Variants in ADCY5 observed in about 807,000 individuals in gnomAD.
ADCY5 encodes adenylate cyclase 5.
In ADCY5, 30 loss-of-function variants were observed where a neutral mutation model predicts 119.7. The observed-to-expected ratio is 0.25, with a 90% CI of 0.19 to 0.34. The LOEUF is 0.34. Among genes scored for constraint, ADCY5 ranks in the 10% least tolerant of loss-of-function variants. The pLI, the probability that ADCY5 is intolerant of heterozygous loss-of-function variation, is 1.00. For missense variants in ADCY5, 1,324 were observed against 1,775.2 expected, an observed-to-expected ratio of 0.75 and a Z score of 4.57; for synonymous variants, 753 against 762.2, an observed-to-expected ratio of 0.99 and a Z score of 0.20.
intron 3 of ADCY5, among the ~76,000 whole-genome samples, chr3:123,333,694 C>T (rs1941890231): frequency 6.6e-6 from 1 of 152,238 alleles, no homozygotes; most frequent in Admixed American, 6.5e-5. Flanking sequence ...CTCAGGCCTG[C>T]CCGTTTGACC....
At chr3:123,386,845 T>C (rs1944241495) in intron 1 of ADCY5, among the ~76,000 whole-genome samples, 1 of 152,164 alleles carries the variant, frequency 6.6e-6, no homozygotes, top group South Asian at 2.1e-4. Context: ...CTTCTCATCA[T>C]AATGCAAATG....
chr3:123,288,093 C>T (rs1385563519), intron 19 of ADCY5, among the ~76,000 whole-genome samples: 3 of 152,228 alleles, frequency 2.0e-5, no homozygotes, highest in Non-Finnish European at 4.4e-5. Flanking sequence ...TGGCTGTGCT[C>T]GGGGCCTCCA....
chr3:123,427,885 G>T (rs934984192), intron 1 of ADCY5, among the ~76,000 whole-genome samples: 1 of 152,228 alleles, frequency 6.6e-6, no homozygotes, highest in Admixed American at 6.5e-5. Context: ...ACACATGGTA[G>T]ATATTTGTTA....
intron 1 of ADCY5, among the ~76,000 whole-genome samples, chr3:123,395,766 C>T (rs1478046859): frequency 1.3e-5 from 2 of 151,394 alleles, no homozygotes; most frequent in Non-Finnish European, 2.9e-5. Context: ...GCCTGTAGTC[C>T]CAGCTACTTG....
At chr3:123,418,075 G>C (rs576373076) in intron 1 of ADCY5, among the ~76,000 whole-genome samples, 32 of 152,314 alleles carry the variant, frequency 2.1e-4, no homozygotes, top group South Asian at 2.1e-3. Context: ...CTAAGTTACA[G>C]AGCACTCAGA....
intron 1 of ADCY5, among the ~76,000 whole-genome samples, chr3:123,384,331 CTT>C (rs1944141687): frequency 6.6e-6 from 1 of 152,238 alleles, no homozygotes; most frequent in Non-Finnish European, 1.5e-5. Flanking sequence ...GAGGGTGAAT[CTT>C]CCAACCCAGG....
At position 123,422,383 on chromosome 3, in the gene ADCY5, G is replaced by A. The variant is rs75223332; in HGVS notation, c.1134+25029C>T. 0.014 allele frequency among the ~76,000 whole-genome samples: 2,065 copies of A among 152,298 alleles called. 84 individuals carry two copies. The East Asian group carries it at 0.18, about 13-fold the overall frequency. On this transcript the variant is annotated intron_variant, in intron 1 of 20. Transcript: ENST00000462833. ...CATGGGCAGGGTGGTAGGTTAGGGTGTTTTATACAGATTAGTAAACAAATT... is the reference window on the plus strand; with the variant it reads ...CATGGGCAGGGTGGTAGGTTAGGGTATTTTATACAGATTAGTAAACAAATT...
intron 1 of ADCY5, chr3:123,419,101 A>ATGTC (rs1167083913): frequency 8.1e-5 from 78 of 965,958 alleles, no homozygotes; most frequent in Non-Finnish European, 9.5e-5. Context: ...ATATGTCTAT[A>ATGTC]TAAATCCTAA....
At chr3:123,314,119 AC>A (rs978404450) in intron 12 of ADCY5, 115 bp downstream of exon 12, 48 of 772,432 alleles carry the variant, frequency 6.2e-5, no homozygotes, top group Non-Finnish European at 9.7e-5. Flanking sequence ...GCACTCTCCC[AC>A]CCCTGCCAAG....
At chr3:123,350,830 C>A (rs945200671) in intron 2 of ADCY5, among the ~76,000 whole-genome samples, 2 of 152,168 alleles carry the variant, frequency 1.3e-5, no homozygotes, top group Non-Finnish European at 1.5e-5. Context: ...AATGGTAATT[C>A]CCCTGGAGAA....
At chr3:123,357,990 AAAGT>A (rs1943099298) in intron 1 of ADCY5, among the ~76,000 whole-genome samples, 1 of 152,222 alleles carries the variant, frequency 6.6e-6, no homozygotes, top group Non-Finnish European at 1.5e-5. Context: ...AGGCAAAGTA[AAAGT>A]AAGTATAAAC....
intron 1 of ADCY5, among the ~76,000 whole-genome samples, chr3:123,442,395 TG>T (rs1203280249): frequency 6.6e-6 from 1 of 152,254 alleles, no homozygotes; most frequent in Non-Finnish European, 1.5e-5. Flanking sequence ...AGAGGAGGCC[TG>T]GCCCGAACAT....
At position 123,314,318 on chromosome 3, in the gene ADCY5, T is replaced by C. The variant is rs754245817; in HGVS notation, c.2359A>G (p.Ile787Val). The C allele has an allele frequency of 2.0e-5, 32 of 1,611,842 alleles. No individual in the cohort carries two copies. The highest frequency in any genetic ancestry group is 2.6e-5 in the Non-Finnish European group (31 of 1,178,398). ...GTCAGGTAGAAGCTGAGCATGAATA[T>C]GGAGCTGGAAGGAGAGAGGAGGGGA... ...FVQITIVPHS[I>V]FMLSFYLTCS... is the part of the protein sequence containing the mutation. Residue 787 changes from isoleucine (I) to valine (V), a missense_variant, in exon 12 of 21, where the codon ATA becomes GTA. Ile to Val is a conservative substitution (Grantham distance 29). This residue lies in a region of ADCY5 where 424 missense variants were observed against 546.8 expected (regional missense o/e 0.78). Coordinates refer to ENST00000462833, the MANE Select transcript of ADCY5 (RefSeq NM_183357.3).
intron 1 of ADCY5, among the ~76,000 whole-genome samples, chr3:123,382,844 C>G (rs1433683073): frequency 7.0e-6 from 1 of 143,236 alleles, no homozygotes; most frequent in East Asian, 2.2e-4. Flanking sequence ...AGTGGCTGCC[C>G]ACCATGGTGA....
rs532029151 is a variant in ADCY5 at position 123,379,674 on chromosome 3, C to T, written c.1135-27093G>A. Reference sequence around the variant, plus strand: ...GGAGAGGCTCTGTGACTGCACAGAGCGGGGGTGGGTGTGTGGGTGAGGGTG... The same window carrying T: ...GGAGAGGCTCTGTGACTGCACAGAGTGGGGGTGGGTGTGTGGGTGAGGGTG... On this transcript the variant is annotated intron_variant, in intron 1 of 20. Coordinates refer to ENST00000462833, the MANE Select transcript of ADCY5 (RefSeq NM_183357.3). Among the ~76,000 whole-genome samples, 6 of 148,072 alleles carry T rather than the reference C, an allele frequency of 4.1e-5. No homozygotes were observed. In the East Asian group the frequency reaches 8.3e-4, roughly 20 times the overall value.
intron 1 of ADCY5, among the ~76,000 whole-genome samples, chr3:123,386,926 AGAC>A (rs1944245812): frequency 6.6e-6 from 1 of 152,192 alleles, no homozygotes; most frequent in African/African-American, 2.4e-5. Flanking sequence ...AAACAGAGAA[AGAC>A]GACAGCCAGA....
intron 1 of ADCY5, among the ~76,000 whole-genome samples, chr3:123,408,354 T>G (rs922788692): frequency 3.0e-4 from 46 of 151,966 alleles, no homozygotes; most frequent in African/African-American, 8.7e-4. Context: ...TGTTTTTTTT[T>G]TTTTTTTTAA....
intron 2 of ADCY5, among the ~76,000 whole-genome samples, chr3:123,350,245 CTG>C (rs898328187): frequency 2.0e-5 from 3 of 152,234 alleles, no homozygotes; most frequent in Non-Finnish European, 4.4e-5. Flanking sequence ...GGCCTGTTAA[CTG>C]TGTGTGAGGA....
At chr3:123,434,669 G>C (rs1377133854) in intron 1 of ADCY5, among the ~76,000 whole-genome samples, 1 of 152,194 alleles carries the variant, frequency 6.6e-6, no homozygotes, top group East Asian at 1.9e-4. Flanking sequence ...CCCTAGGAGT[G>C]CCCAAGCCTC....
Sources: allele counts gnomAD v4.1 joint callset (sites outside exome capture counted in the v4.1 genomes callset), GRCh38; gene constraint gnomAD v4.1.1; regional missense constraint gnomAD v4.1.1; transcripts MANE v1.5; gene names NCBI Gene and HGNC (gene_info 2026-07-23, HGNC 2026-07-21).